GALNT6: variants seen among roughly 807,000 people sequenced by gnomAD.
GALNT6 encodes the protein GalNAc transferase 6.
In GALNT6, 51 loss-of-function variants were observed where a neutral mutation model predicts 65.9. The ratio of observed to expected loss-of-function variants is 0.77; its 90% CI spans 0.62 to 0.98. The LOEUF is 0.98. GALNT6 is among the 50% of genes least tolerant of loss of function. The pLI is 0.00. For synonymous variants in GALNT6, 323 were observed against 315.1 expected (o/e 1.02, Z -0.26); for missense variants, 708 against 803.3 (o/e 0.88, Z 1.43).
Position 51,365,085 on chromosome 12 carries a change from A to G in GALNT6, c.814+345T>C, listed in dbSNP as rs1947051930. On this transcript the variant is annotated intron_variant, in intron 5 of 11. Transcript: ENST00000356317. ...CATGTTGCCCTAGAAGAAAGCCCCA[A>G]ACAAGCCAGTTCTGTCATAGCAGGA... Among the ~76,000 whole-genome samples, 3 of 152,200 alleles carry G rather than the reference A, an allele frequency of 2.0e-5. No individual in the cohort carries two copies. The South Asian group carries it at 6.2e-4, about 31-fold the overall frequency.
chr12:51,376,633 CA>C (rs35109462), intron 4 of GALNT6, among the ~76,000 whole-genome samples: 54,866 of 84,082 alleles, frequency 0.65, 15,081 homozygotes, highest in Non-Finnish European at 0.68. Context: ...AACTCCATCT[CA>C]AAAAAAAAAA....
chr12:51,365,715 T>C, intron 4 of GALNT6, 136 bp from the exon 5 acceptor site: 1 of 737,820 alleles, frequency 1.4e-6, no homozygotes, highest in Non-Finnish European at 2.1e-6. Context: ...TACTGAGCCA[T>C]TCCACAGAAG....
chr12:51,364,836 C>G (rs1460056868), intron 5 of GALNT6, among the ~76,000 whole-genome samples: 1 of 152,218 alleles, frequency 6.6e-6, no homozygotes, highest in Non-Finnish European at 1.5e-5. Context: ...ATTCGGCCCT[C>G]AGAGTAATAT....
rs1410539188 is a variant in GALNT6, at chr12:51,365,517, GCCGCACCAC to G, written c.718_726del (p.Val240_Arg242del). ...GTGATCAGCCCCTTCCGCTCCTCCT[GCCGCACCAC>G]CCTCACCACCTGCAGCTGCTTCACG... On this transcript the variant is annotated inframe_deletion, in exon 5 of 12. Coordinates refer to ENST00000356317, the MANE Select transcript of GALNT6 (RefSeq NM_007210.4). The G allele has an allele frequency of 4.3e-6, 7 of 1,612,722 alleles. No homozygotes were observed. In the Admixed American group the frequency reaches 1.0e-4, roughly 23 times the overall value.
At chr12:51,364,701 G>A (rs907523374) in intron 5 of GALNT6, among the ~76,000 whole-genome samples, 5 of 152,232 alleles carry the variant, frequency 3.3e-5, no homozygotes, top group Non-Finnish European at 7.3e-5. Context: ...GATTTCAGAA[G>A]AGGGTGTTCC....
chr12:51,389,565 C>T (rs1947957671), intron 2 of GALNT6, among the ~76,000 whole-genome samples: 1 of 152,128 alleles, frequency 6.6e-6, no homozygotes, highest in African/African-American at 2.4e-5. Context: ...CTCATTTGCT[C>T]CCCACCCAGG....
At chr12:51,385,318 T>C (rs1030371513) in intron 2 of GALNT6, among the ~76,000 whole-genome samples, 1 of 152,202 alleles carries the variant, frequency 6.6e-6, no homozygotes, top group Non-Finnish European at 1.5e-5. Flanking sequence ...TTAATGTTTG[T>C]TTCAGTCTAT....
Position 51,371,054 on chromosome 12 carries a change from AATTATTATTATTATTATT to A in GALNT6, c.665-5493_665-5476del, listed in dbSNP as rs66469959. On this transcript the variant is annotated intron_variant, in intron 4 of 11. Coordinates refer to ENST00000356317, the MANE Select transcript of GALNT6 (RefSeq NM_007210.4). ...ATTTGGTCCCGCTAGCCTTTTAAAA[AATTATTATTATTATTATT>A]ATTATTATTATTATTATTATTATTA... Among the ~76,000 whole-genome samples the A allele has an allele frequency of 5.2e-3, 749 of 144,420 alleles. 6 individuals carry two copies. Among genetic ancestry groups the A allele is most frequent in the African/African-American group, 0.017 (687 of 39,382 alleles). 94.7% of individuals were successfully genotyped at this position (144,420 alleles called of 152,430 possible).
intron 2 of GALNT6, among the ~76,000 whole-genome samples, chr12:51,380,696 C>A (rs1239373640): frequency 6.6e-6 from 1 of 152,028 alleles, no homozygotes; most frequent in African/African-American, 2.4e-5. Context: ...GAGGCTGAGG[C>A]AGGAGAGTCA....
chr12:51,382,286 G>A (rs1209442730), intron 2 of GALNT6: 1 of 152,186 alleles, frequency 6.6e-6, no homozygotes, highest in Non-Finnish European at 1.5e-5. Context: ...AGTCAATTGG[G>A]GGCATCAGAT....
At chr12:51,374,696 G>T (rs1947397105) in intron 4 of GALNT6, among the ~76,000 whole-genome samples, 1 of 152,116 alleles carries the variant, frequency 6.6e-6, no homozygotes, top group Non-Finnish European at 1.5e-5. Context: ...TACGAGGAGG[G>T]CTAAGCTTGT....
chr12:51,387,080 AGGTTC>A lies in GALNT6; in HGVS notation c.-104+3765_-104+3769del, dbSNP rs1947866672. Among the ~76,000 whole-genome samples the A allele has an allele frequency of 6.6e-6, 1 of 152,014 alleles. No individual in the cohort carries two copies. The highest frequency in any genetic ancestry group is 2.4e-5 in the African/African-American group (1 of 41,374). On this transcript the variant is annotated intron_variant, in intron 2 of 11. Transcript: ENST00000356317. This position sits in a 1 kb window ranked among gnomAD's most constrained non-coding sequence, Gnocchi z 4.2. ...TCTGTCAAGTTCCCCCAACATATCA[AGGTTC>A]ATTTTATGTTTGCATAATTTTTTTT...
At chr12:51,370,657 CAG>C (rs1349502039) in intron 4 of GALNT6, among the ~76,000 whole-genome samples, 1 of 152,076 alleles carries the variant, frequency 6.6e-6, no homozygotes, top group East Asian at 1.9e-4. Flanking sequence ...TTCATAGAGA[CAG>C]AAAGTAGAAG....
At chr12:51,379,191 T>G (rs1947571431) in intron 3 of GALNT6, 100 bp downstream of exon 3, 1 of 1,246,126 alleles carries the variant, frequency 8.0e-7, no homozygotes, top group African/African-American at 1.5e-5. Context: ...TAAAATTCCC[T>G]TCAACTCTTT....
At chr12:51,357,746 C>T (rs1946794626) in intron 9 of GALNT6, among the ~76,000 whole-genome samples, 1 of 152,116 alleles carries the variant, frequency 6.6e-6, no homozygotes, top group Non-Finnish European at 1.5e-5. Flanking sequence ...TGGGAGTTTC[C>T]TTATAAGCAG....
At chr12:51,360,639 G>T in intron 7 of GALNT6, 82 bp downstream of exon 7, 1 of 826,028 alleles carries the variant, frequency 1.2e-6, no homozygotes, top group Non-Finnish European at 2.1e-6. Flanking sequence ...GGATGTCCCT[G>T]ATGCCACCTC....
At chr12:51,370,828 C>G (rs1433002277) in intron 4 of GALNT6, among the ~76,000 whole-genome samples, 1 of 151,742 alleles carries the variant, frequency 6.6e-6, no homozygotes, top group Admixed American at 6.6e-5. Flanking sequence ...CCAGACCAGC[C>G]TGGTCAACAT....
intron 4 of GALNT6, among the ~76,000 whole-genome samples, chr12:51,374,271 T>A (rs544609548): frequency 6.6e-6 from 1 of 151,352 alleles, no homozygotes; most frequent in Admixed American, 6.6e-5. Flanking sequence ...TGGGCTCAAG[T>A]GATCCTCCCA....
intron 4 of GALNT6, among the ~76,000 whole-genome samples, chr12:51,368,594 T>TG: frequency 6.6e-6 from 1 of 151,966 alleles, no homozygotes; most frequent in East Asian, 1.9e-4. Context: ...TTTGTGAAGA[T>TG]GGGGCTTCAC....
Sources: gnomAD v4.1 joint callset for allele counts (sites outside exome capture counted in the v4.1 genomes callset) on GRCh38, gnomAD v4.1.1 for gene constraint, Gnocchi (gnomAD v3.1) non-coding constraint, MANE v1.5 for transcripts, NCBI Gene and HGNC (gene_info 2026-07-23, HGNC 2026-07-21) for gene names.